Variants in RSPH9 observed in about 807,000 individuals in gnomAD.
The protein encoded by RSPH9 is radial spoke head protein 9 homolog.
RSPH9 carries 27 observed loss-of-function variants against 27.0 expected under a neutral mutation model. The observed-to-expected ratio is 1.00, with a 90% confidence interval of 0.74 to 1.38. RSPH9 has a LOEUF of 1.38. RSPH9 is among the 40% of genes most tolerant of loss of function. The probability of loss-of-function intolerance (pLI) is 0.00; values close to 1 mark genes in which losing one functional copy is unlikely to be tolerated. For synonymous variants in RSPH9, 145 were observed against 147.7 expected (o/e 0.98, Z 0.13); for missense variants, 347 against 357.4 (o/e 0.97, Z 0.24).
At chr6:43,649,334 C>T (rs747162627) in intron 1 of RSPH9, among the ~76,000 whole-genome samples, 4 of 151,740 alleles carry the variant, frequency 2.6e-5, no homozygotes, top group Non-Finnish European at 2.9e-5. Context: ...GGATTACAGG[C>T]GCCCGCCACC....
chr6:43,647,905 G>A (rs953422380), intron 1 of RSPH9, among the ~76,000 whole-genome samples: 5 of 152,162 alleles, frequency 3.3e-5, no homozygotes, highest in African/African-American at 9.7e-5. Context: ...GGCAGGGAAC[G>A]GAAGATAGAC....
Position 43,671,239 on chromosome 6 carries a change from G to T in RSPH9, c.*290G>T. On this transcript the variant is annotated 3_prime_UTR_variant, in exon 5 of 5. Transcript: ENST00000372163. Reference sequence around the variant, plus strand: ...AGTTTCTTGGATTCACACGAGAGCGGCAAGTGTGTCAGGCAGCCCACCTTG... The same window carrying T: ...AGTTTCTTGGATTCACACGAGAGCGTCAAGTGTGTCAGGCAGCCCACCTTG... The T allele has an allele frequency of 1.9e-6, 1 of 538,830 alleles. No homozygotes were observed. Among genetic ancestry groups the T allele is most frequent in the South Asian group, 2.2e-5 (1 of 45,714 alleles). 33.4% of individuals were successfully genotyped at this position (538,830 alleles called of 1,614,324 possible). A position where few individuals can be genotyped will look rare whatever the true frequency, so the allele number is the denominator to read the frequency against.
At chr6:43,648,395 C>T (rs1771113757) in intron 1 of RSPH9, among the ~76,000 whole-genome samples, 1 of 152,168 alleles carries the variant, frequency 6.6e-6, no homozygotes, top group Non-Finnish European at 1.5e-5. Context: ...ATGTAAATAT[C>T]TGAGGGAAGA....
chr6:43,672,302 C>T lies in RSPH9; in HGVS notation c.*1353C>T, dbSNP rs41281838. The T allele has an allele frequency of 0.14, 64,546 of 457,706 alleles. 5,599 individuals carry two copies. The highest frequency in any genetic ancestry group is 0.27 in the East Asian group (3,824 of 14,326). 28.4% of individuals were successfully genotyped at this position (457,706 alleles called of 1,614,324 possible). A position where few individuals can be genotyped will look rare whatever the true frequency, so the allele number is the denominator to read the frequency against. ...CTCTGGAGGAACCCATTGCTCTTCC[C>T]CATTTGGCTCACTCAGCTACCCCAA... On this transcript the variant is annotated 3_prime_UTR_variant, in exon 5 of 5. Transcript: ENST00000372163.
In RSPH9 at chr6:43,655,883, C is replaced by T. The variant is rs558226383; in HGVS notation, c.523+192C>T. ...GGTATGGGCTCCCCATCTCCTGGCC[C>T]CTGACTCTCTTCAGTTTGAGGAGTG... On this transcript the variant is annotated intron_variant, in intron 3 of 4. Coordinates refer to ENST00000372163, the MANE Select transcript of RSPH9 (RefSeq NM_152732.5). Among the ~76,000 whole-genome samples the T allele has an allele frequency of 7.9e-5, 12 of 152,262 alleles. 1 individual carries two copies. The highest frequency in any genetic ancestry group is 3.4e-3 in the Middle Eastern group (1 of 294).
In RSPH9 at chr6:43,656,000, C is replaced by G. The variant is rs993698520; in HGVS notation, c.523+309C>G. ...CCTTCCTCCTTGGACTTCCTTCCTT[C>G]CTTCCTTCCTTCCTTCCTTCCTTCC... On this transcript the variant is annotated intron_variant, in intron 3 of 4. Coordinates refer to ENST00000372163, the MANE Select transcript of RSPH9 (RefSeq NM_152732.5). 1.6e-3 allele frequency among the ~76,000 whole-genome samples: 208 copies of G among 131,490 alleles called. 4 individuals are homozygous for G. The highest frequency in any genetic ancestry group is 7.9e-3 in the Middle Eastern group (2 of 252). The allele number at this position is 131,490 out of a possible 152,430, so 86.3% of individuals were successfully genotyped here. A position where few individuals can be genotyped will look rare whatever the true frequency, so the allele number is the denominator to read the frequency against.
At chr6:43,650,792 G>A (rs959993338) in intron 2 of RSPH9, among the ~76,000 whole-genome samples, 1 of 151,866 alleles carries the variant, frequency 6.6e-6, no homozygotes, top group Non-Finnish European at 1.5e-5. Context: ...TGTAGTCCCA[G>A]CTACTCGGGA....
At position 43,671,633 on chromosome 6, in the gene RSPH9, A is replaced by G; in HGVS notation, c.*684A>G. On this transcript the variant is annotated 3_prime_UTR_variant, in exon 5 of 5. Transcript: ENST00000372163. ...AAGTTAGTCCCACTGTCCCCTGTCC[A>G]TGCATGTTGGAGGGACCAGGCCATC... is the stretch of plus-strand genomic sequence containing the variant. 9.3e-7 allele frequency: 1 copy of G among 1,072,828 alleles called. No individual in the cohort carries two copies. Among genetic ancestry groups the G allele is most frequent in the Non-Finnish European group, 1.4e-6 (1 of 719,014 alleles). 66.5% of individuals were successfully genotyped at this position (1,072,828 alleles called of 1,614,324 possible). A position where few individuals can be genotyped will look rare whatever the true frequency, so the allele number is the denominator to read the frequency against.
chr6:43,661,295 C>T (rs1772583330), intron 4 of RSPH9, among the ~76,000 whole-genome samples: 1 of 152,152 alleles, frequency 6.6e-6, no homozygotes, highest in Non-Finnish European at 1.5e-5. Context: ...GCTGTATGAG[C>T]CCCTAACAAG....
At chr6:43,651,571 C>T (rs372404020) in intron 2 of RSPH9, among the ~76,000 whole-genome samples, 9 of 152,018 alleles carry the variant, frequency 5.9e-5, no homozygotes, top group Middle Eastern at 3.4e-3. Context: ...TTTTTTGAGA[C>T]GGAGTCTTGC....
In RSPH9 at chr6:43,645,146, T is replaced by G; in HGVS notation, c.48T>G (p.Ser16Arg). ...TGTCTCTGGAGCTGGCGTCCGGCAG[T>G]GGGCAGGGCCTCAGCCCGGACCGTC... Reference protein sequence around the residue: ...LLLSLELASGSGQGLSPDRRA... With the variant: ...LLLSLELASGRGQGLSPDRRA... The change falls in exon 1 of 5, where the codon AGT (serine) becomes AGG (arginine). Residue 16 changes from serine (S) to arginine (R), a missense_variant. Coordinates refer to ENST00000372163, the MANE Select transcript of RSPH9 (RefSeq NM_152732.5). The G allele has an allele frequency of 6.2e-7, 1 of 1,613,374 alleles. No homozygotes were observed. The highest frequency in any genetic ancestry group is 8.5e-7 in the Non-Finnish European group (1 of 1,179,974).
chr6:43,645,350 C>G (rs202166381), intron 1 of RSPH9, 25 bp downstream of exon 1: 14 of 1,581,580 alleles, frequency 8.9e-6, no homozygotes, highest in Non-Finnish European at 1.2e-5. Flanking sequence ...GGGACGGGCT[C>G]CCCAGAGGGT....
chr6:43,646,966 A>T (rs1770940939), intron 1 of RSPH9, among the ~76,000 whole-genome samples: 1 of 135,518 alleles, frequency 7.4e-6, no homozygotes, highest in Non-Finnish European at 1.5e-5. Context: ...AAAAAAAAAA[A>T]AGAAAAAAAA....
intron 4 of RSPH9, among the ~76,000 whole-genome samples, chr6:43,664,533 G>A (rs1198326754): frequency 6.6e-6 from 1 of 152,212 alleles, no homozygotes; most frequent in Non-Finnish European, 1.5e-5. Context: ...TGGTACACAG[G>A]TGGAGCGAGA....
At chr6:43,658,438 T>A (rs1432458493) in intron 4 of RSPH9, among the ~76,000 whole-genome samples, 1 of 152,116 alleles carries the variant, frequency 6.6e-6, no homozygotes, top group Non-Finnish European at 1.5e-5. Context: ...TGTACTATAC[T>A]ATAGTTTGTT....
intron 4 of RSPH9, among the ~76,000 whole-genome samples, chr6:43,657,384 A>G (rs1307770347): frequency 6.6e-6 from 1 of 152,224 alleles, no homozygotes; most frequent in Non-Finnish European, 1.5e-5. Flanking sequence ...CACCGTACTC[A>G]GCTCTTGCCA....
At chr6:43,647,521 C>T (rs79592972) in intron 1 of RSPH9, among the ~76,000 whole-genome samples, 12 of 152,254 alleles carry the variant, frequency 7.9e-5, no homozygotes, top group Non-Finnish European at 1.8e-4. Flanking sequence ...ACATGTAACT[C>T]ATTGAATAAG....
chr6:43,654,559 A>C (rs1771814283), intron 2 of RSPH9, among the ~76,000 whole-genome samples: 1 of 152,182 alleles, frequency 6.6e-6, no homozygotes, highest in South Asian at 2.1e-4. Flanking sequence ...GCAGTGGCTC[A>C]CGCCTATAAT....
chr6:43,655,491 G>A, intron 2 of RSPH9, 71 bp from the exon 3 acceptor site: 1 of 1,584,228 alleles, frequency 6.3e-7, no homozygotes, highest in Non-Finnish European at 8.7e-7. Context: ...AGATGGCCGT[G>A]CAGAGGGACC....
Sources: gnomAD v4.1 joint callset for allele counts (sites outside exome capture counted in the v4.1 genomes callset) on GRCh38, gnomAD v4.1.1 for gene constraint, MANE v1.5 for transcripts, NCBI Gene and HGNC (gene_info 2026-07-23, HGNC 2026-07-21) for gene names.